RYR2: variants seen among roughly 807,000 people sequenced by gnomAD.
RYR2 encodes ryanodine receptor 2, also known as cardiac muscle ryanodine receptor-calcium release channel.
In RYR2, 227 loss-of-function variants were observed where a neutral mutation model predicts 601.1. The ratio of observed to expected loss-of-function variants is 0.38; its 90% CI spans 0.34 to 0.42. The LOEUF is 0.42. Among genes scored for constraint, RYR2 ranks in the 10% least tolerant of loss-of-function variants. The pLI is 1.00. For synonymous variants in RYR2, 2,223 were observed against 2,175.1 expected, an observed-to-expected ratio of 1.02 and a Z score of -0.61; for missense variants, 4,646 against 6,156.5, an observed-to-expected ratio of 0.75 and a Z score of 8.21.
intron 23 of RYR2, among the ~76,000 whole-genome samples, chr1:237,511,426 G>A (rs1665888856): frequency 6.6e-6 from 1 of 152,026 alleles, no homozygotes; most frequent in Non-Finnish European, 1.5e-5. Context: ...GTGAGCCTGT[G>A]GGAATCTGGG....
rs1420269449 is a variant in RYR2 at position 237,106,385 on chromosome 1, G to T, written c.48+63816G>T. ...GACCCTGGATATTTTTTTGGACATA[G>T]AGCCAGGAGGATTTCCTCATGGTTC... is the stretch of plus-strand genomic sequence containing the variant. On this transcript the variant is annotated intron_variant, in intron 1 of 104. Transcript: ENST00000366574. The surrounding 1 kb of genome is among the most constrained non-coding windows in gnomAD (Gnocchi z 4.4). Among the ~76,000 whole-genome samples the T allele has an allele frequency of 6.6e-6, 1 of 152,160 alleles. No individual in the cohort carries two copies. The highest frequency in any genetic ancestry group is 2.4e-5 in the African/African-American group (1 of 41,446).
intron 100 of RYR2, among the ~76,000 whole-genome samples, chr1:237,810,723 G>T (rs889609725): frequency 6.6e-6 from 1 of 152,046 alleles, no homozygotes; most frequent in Non-Finnish European, 1.5e-5. Context: ...TCCTGATTAA[G>T]TCAGTTACGA....
chr1:237,219,822 C>T (rs757312795), intron 1 of RYR2, among the ~76,000 whole-genome samples: 1 of 152,172 alleles, frequency 6.6e-6, no homozygotes, highest in Non-Finnish European at 1.5e-5. Context: ...GGTACCACAG[C>T]CTGGCCCCTG....
chr1:237,742,497 G>A, intron 80 of RYR2, 148 bp downstream of exon 80: 1 of 648,454 alleles, frequency 1.5e-6, no homozygotes, highest in Non-Finnish European at 2.7e-6. Flanking sequence ...GGACAAACCT[G>A]AGTCCTAACA....
chr1:237,817,781 G>A (rs1661997043), intron 100 of RYR2, among the ~76,000 whole-genome samples: 1 of 152,168 alleles, frequency 6.6e-6, no homozygotes, highest in African/African-American at 2.4e-5. Flanking sequence ...CAGAAATGAA[G>A]CGAAGCAGAG....
intron 97 of RYR2, 128 bp from the exon 98 acceptor site, chr1:237,801,728 T>C (rs1227031087): frequency 5.7e-6 from 3 of 524,770 alleles, no homozygotes; most frequent in Admixed American, 6.0e-5. Context: ...GCATCTGGGA[T>C]AGAACTCGTT....
chr1:237,124,747 T>C (rs370740984), intron 1 of RYR2, among the ~76,000 whole-genome samples: 335 of 152,236 alleles, frequency 2.2e-3, no homozygotes, highest in African/African-American at 7.7e-3. Flanking sequence ...TCACAGGGTC[T>C]AGAAATTATG....
chr1:237,476,168 C>G (rs1208804583), intron 17 of RYR2, among the ~76,000 whole-genome samples: 1 of 152,186 alleles, frequency 6.6e-6, no homozygotes. Flanking sequence ...CTTCCCCTCT[C>G]TTAGTAAGTG....
At chr1:237,152,222 T>TAAAGAA (rs1558327110) in intron 1 of RYR2, among the ~76,000 whole-genome samples, 2 of 152,246 alleles carry the variant, frequency 1.3e-5, no homozygotes, top group East Asian at 3.8e-4. Flanking sequence ...CCATGGTGTA[T>TAAAGAA]ATGTGCCACA....
At chr1:237,323,628 G>T in intron 2 of RYR2, among the ~76,000 whole-genome samples, 1 of 152,272 alleles carries the variant, frequency 6.6e-6, no homozygotes, top group Non-Finnish European at 1.5e-5. Context: ...AATGAACACC[G>T]AGCAAACCAT....
intron 14 of RYR2, among the ~76,000 whole-genome samples, chr1:237,445,858 C>T (rs1363104141): frequency 6.6e-6 from 1 of 152,122 alleles, no homozygotes; most frequent in Non-Finnish European, 1.5e-5. Flanking sequence ...ACACTGTCAT[C>T]CAGGCTGGAG....
At chr1:237,518,386 A>G (rs568381541) in intron 24 of RYR2, among the ~76,000 whole-genome samples, 10 of 152,214 alleles carry the variant, frequency 6.6e-5, no homozygotes, top group African/African-American at 1.9e-4. Context: ...CCCATTACGT[A>G]ATTTCTCATC....
At chr1:237,394,914 GC>G (rs1702686760) in intron 10 of RYR2, among the ~76,000 whole-genome samples, 1 of 152,174 alleles carries the variant, frequency 6.6e-6, no homozygotes, top group Non-Finnish European at 1.5e-5. Flanking sequence ...ATGGCAGAAG[GC>G]GAATGGGAAG....
chr1:237,791,291 C>A, intron 92 of RYR2, 138 bp from the exon 93 acceptor site: 1 of 619,028 alleles, frequency 1.6e-6, no homozygotes, highest in Non-Finnish European at 2.9e-6. Context: ...TTTAGGTCTG[C>A]AGCACCAAGA....
At chr1:237,248,417 A>G (rs1246385349) in intron 1 of RYR2, among the ~76,000 whole-genome samples, 1 of 151,864 alleles carries the variant, frequency 6.6e-6, no homozygotes, top group Non-Finnish European at 1.5e-5. Flanking sequence ...AGTATCTTCA[A>G]CATGAACTCT....
At chr1:237,345,359 GA>G (rs1446018193) in intron 3 of RYR2, among the ~76,000 whole-genome samples, 1 of 151,738 alleles carries the variant, frequency 6.6e-6, no homozygotes, top group East Asian at 1.9e-4. Context: ...TTTATTATAT[GA>G]AATTTATTAT....
At chr1:237,781,707 C>A in intron 89 of RYR2, 61 bp downstream of exon 89, 3 of 836,670 alleles carry the variant, frequency 3.6e-6, no homozygotes, top group Non-Finnish European at 3.9e-6. Flanking sequence ...TCAGCATGGG[C>A]TTATGGAATC....
intron 80 of RYR2, among the ~76,000 whole-genome samples, chr1:237,752,462 TAAA>T (rs11336558): frequency 2.1e-5 from 3 of 143,034 alleles, no homozygotes; most frequent in South Asian, 2.3e-4. Context: ...TTTATTTAAT[TAAA>T]AAAAAAAAAA....
chr1:237,346,852 G>A (rs1361158642), intron 3 of RYR2, among the ~76,000 whole-genome samples: 3 of 152,176 alleles, frequency 2.0e-5, no homozygotes, highest in Admixed American at 2.0e-4. Flanking sequence ...TTACAGTATG[G>A]AGAGATGCTT....
Sources: gnomAD v4.1 joint callset for allele counts (sites outside exome capture counted in the v4.1 genomes callset) on GRCh38, gnomAD v4.1.1 for gene constraint, Gnocchi (gnomAD v3.1) non-coding constraint, MANE v1.5 for transcripts, NCBI Gene and HGNC (gene_info 2026-07-23, HGNC 2026-07-21) for gene names.